The following SCHIP1 variants were observed in gnomAD, a reference collection of about 807,000 sequenced individuals.
The protein encoded by SCHIP1 is schwannomin interacting protein 1.
Under a neutral mutation model 29.7 loss-of-function variants are expected in SCHIP1, and 8 were observed. The observed-to-expected ratio is 0.27, with a 90% CI of 0.16 to 0.49. The LOEUF (loss-of-function observed/expected upper bound fraction) is 0.49, where lower values mean the gene tolerates loss of function less well. Among genes scored for constraint, SCHIP1 ranks in the 20% least tolerant of loss-of-function variants. The probability of loss-of-function intolerance (pLI) is 0.99; values close to 1 mark genes in which losing one functional copy is unlikely to be tolerated. For synonymous variants in SCHIP1, 76 were observed against 94.9 expected (o/e 0.80, Z 1.16); for missense variants, 193 against 294.6 (o/e 0.66, Z 2.52).
the SCHIP1 span, among the ~76,000 whole-genome samples, chr3:159,690,086 G>T: frequency 6.6e-6 from 1 of 152,120 alleles, no homozygotes; most frequent in South Asian, 2.1e-4. Flanking sequence ...GCCAGGTTTT[G>T]GTATCAGGAT....
chr3:159,504,913 T>C, the SCHIP1 span, among the ~76,000 whole-genome samples: 9 of 152,156 alleles, frequency 5.9e-5, no homozygotes, highest in Admixed American at 2.0e-4. Context: ...ATGCCAGGGA[T>C]GCCCATGGCA....
chr3:159,889,955 G>T (rs953666149), intron 5 of SCHIP1, among the ~76,000 whole-genome samples: 1 of 152,020 alleles, frequency 6.6e-6, no homozygotes, highest in Admixed American at 6.5e-5. Flanking sequence ...AATTAGCTGG[G>T]CATGGTGGTG....
chr3:159,852,463 G>C (rs1712772036), intron 1 of SCHIP1, among the ~76,000 whole-genome samples: 2 of 152,120 alleles, frequency 1.3e-5, no homozygotes, highest in South Asian at 4.1e-4. Context: ...ACTTCTGCTT[G>C]TCTGCTTCTT....
the SCHIP1 span, among the ~76,000 whole-genome samples, chr3:159,321,914 C>T: frequency 6.6e-6 from 1 of 151,840 alleles, no homozygotes; most frequent in Admixed American, 6.6e-5. Context: ...ATATTACTAA[C>T]TCTTTTTGTT....
the SCHIP1 span, among the ~76,000 whole-genome samples, chr3:159,592,916 T>A: frequency 2.5e-4 from 38 of 152,226 alleles, no homozygotes; most frequent in African/African-American, 8.7e-4. Context: ...CCTAACCTTA[T>A]AAAAATAAAA....
chr3:159,876,474 C>G (rs1715823491), intron 2 of SCHIP1, among the ~76,000 whole-genome samples: 1 of 152,118 alleles, frequency 6.6e-6, no homozygotes, highest in African/African-American at 2.4e-5. Context: ...TGAGGAAGAC[C>G]AGCAAAGCAC....
chr3:159,349,760 C>T, the SCHIP1 span, among the ~76,000 whole-genome samples: 2 of 152,056 alleles, frequency 1.3e-5, no homozygotes, highest in Non-Finnish European at 1.5e-5. Context: ...GTCTTCGGGT[C>T]GGGGTTTGCA....
the SCHIP1 span, among the ~76,000 whole-genome samples, chr3:159,335,384 C>T: frequency 6.6e-6 from 1 of 152,046 alleles, no homozygotes; most frequent in Non-Finnish European, 1.5e-5. Context: ...GGTACATGTG[C>T]ACAATGCACA....
At chr3:159,764,255 G>C in the SCHIP1 span, 4 of 577,298 alleles carry the variant, frequency 6.9e-6, no homozygotes, top group Admixed American at 1.0e-4. This position sits in a 1 kb window ranked among gnomAD's most constrained non-coding sequence, Gnocchi z 6.1. Flanking sequence ...CTGGTTGTGC[G>C]AGAGGAAAGG....
the SCHIP1 span, among the ~76,000 whole-genome samples, chr3:159,618,959 C>T: frequency 6.6e-6 from 1 of 152,208 alleles, no homozygotes; most frequent in Non-Finnish European, 1.5e-5. Flanking sequence ...CCTCTCTTTC[C>T]CTTTGCAGCA....
chr3:159,654,260 T>C, the SCHIP1 span, among the ~76,000 whole-genome samples: 2 of 152,104 alleles, frequency 1.3e-5, no homozygotes, highest in Non-Finnish European at 2.9e-5. Flanking sequence ...CACCATGCTC[T>C]TTCCCCCTTG....
the SCHIP1 span, among the ~76,000 whole-genome samples, chr3:159,802,627 G>C: frequency 1.3e-5 from 2 of 152,196 alleles, no homozygotes; most frequent in Non-Finnish European, 2.9e-5. Context: ...TGGAGGTTGT[G>C]AGTGGGATTT....
the SCHIP1 span, among the ~76,000 whole-genome samples, chr3:159,295,417 A>G: frequency 3.3e-5 from 5 of 152,088 alleles, no homozygotes; most frequent in Non-Finnish European, 7.4e-5. Context: ...TGACAGAGCG[A>G]GACTCCATCT....
At chr3:159,834,601 T>C in the SCHIP1 span, among the ~76,000 whole-genome samples, 1 of 152,190 alleles carries the variant, frequency 6.6e-6, no homozygotes, top group African/African-American at 2.4e-5. Flanking sequence ...GTTTTGTTGG[T>C]GGCAACAATA....
At chr3:159,556,080 AAAC>A in the SCHIP1 span, among the ~76,000 whole-genome samples, 2 of 152,138 alleles carry the variant, frequency 1.3e-5, no homozygotes, top group Non-Finnish European at 2.9e-5. Context: ...AGAAAAAAAC[AAAC>A]AACCACATCA....
At chr3:159,827,667 C>T in the SCHIP1 span, among the ~76,000 whole-genome samples, 16 of 151,844 alleles carry the variant, frequency 1.1e-4, no homozygotes, top group South Asian at 1.5e-3. Flanking sequence ...TAGCCGGGCA[C>T]GGTGGCGGGC....
the SCHIP1 span, among the ~76,000 whole-genome samples, chr3:159,463,113 T>C: frequency 1.3e-5 from 2 of 151,704 alleles, no homozygotes; most frequent in African/African-American, 2.4e-5. Flanking sequence ...TCTCTATATA[T>C]AGTATATACA....
chr3:159,433,268 C>T, the SCHIP1 span, among the ~76,000 whole-genome samples: 1 of 152,108 alleles, frequency 6.6e-6, no homozygotes. Context: ...AACTCATTTT[C>T]CACGGACAGA....
At chr3:159,576,184 C>A in the SCHIP1 span, among the ~76,000 whole-genome samples, 2 of 152,172 alleles carry the variant, frequency 1.3e-5, no homozygotes, top group Admixed American at 1.3e-4. Flanking sequence ...TTTGATTACA[C>A]ATCATATGCA....
Sources: gnomAD v4.1 joint callset for allele counts (sites outside exome capture counted in the v4.1 genomes callset) on GRCh38, gnomAD v4.1.1 for gene constraint, Gnocchi (gnomAD v3.1) non-coding constraint, MANE v1.5 for transcripts, NCBI Gene and HGNC (gene_info 2026-07-23, HGNC 2026-07-21) for gene names.